Variants in MPDZ observed in about 807,000 individuals in gnomAD.
MPDZ encodes multiple PDZ domain protein.
In MPDZ, 234 loss-of-function variants were observed where a neutral mutation model predicts 239.1. The ratio of observed to expected loss-of-function variants is 0.98; its 90% CI spans 0.88 to 1.09. MPDZ has a LOEUF of 1.09. Ranked by LOEUF, MPDZ falls within the 50% of genes least tolerant of loss-of-function variation. MPDZ has a pLI of 0.00. For synonymous variants in MPDZ, 1,048 were observed against 881.3 expected (o/e 1.19, Z -3.35); for missense variants, 3,175 against 2,510.0 (o/e 1.26, Z -5.66).
At position 13,247,716 on chromosome 9, in the gene MPDZ, G is replaced by C. The variant is rs372321052; in HGVS notation, c.102C>G (p.Ser34Arg). 6.8e-6 allele frequency: 11 copies of C among 1,613,546 alleles called. No individual in the cohort carries two copies. The highest frequency in any genetic ancestry group is 9.3e-6 in the Non-Finnish European group (11 of 1,179,636). ...GGCTCTGCAGGACTGACTTCAGAAG[G>C]CTCAGTTTGTCTTCATTTGCTACAT... ...RGDVANEDKL[S>R]LLKSVLQSPL... is the part of the protein sequence containing the mutation. The change falls in exon 3 of 47, where the codon AGC becomes AGG. Residue 34 changes from serine to arginine, a missense_variant. Transcript: ENST00000319217.
chr9:13,229,852 T>C (rs538561586), intron 3 of MPDZ, among the ~76,000 whole-genome samples: 2 of 152,176 alleles, frequency 1.3e-5, no homozygotes, highest in South Asian at 4.1e-4. Flanking sequence ...GTAGGGTAAA[T>C]AAAGTTGAAG....
intron 11 of MPDZ, among the ~76,000 whole-genome samples, 187 bp downstream of exon 11, chr9:13,205,729 T>C (rs566546337): frequency 6.6e-6 from 1 of 152,292 alleles, no homozygotes; most frequent in South Asian, 2.1e-4. Flanking sequence ...ATAAACACAT[T>C]GCTGGTTCCA....
chr9:13,254,461 C>G (rs145960709), intron 1 of MPDZ, among the ~76,000 whole-genome samples: 1 of 152,058 alleles, frequency 6.6e-6, no homozygotes, highest in Admixed American at 6.5e-5. Flanking sequence ...TAAGAATACA[C>G]AGTATATTGT....
chr9:13,134,792 T>C (rs13284498), intron 31 of MPDZ: 17,818 of 152,240 alleles, frequency 0.12, 1,243 homozygotes, highest in Non-Finnish European at 0.15. Flanking sequence ...GGACTCTTTC[T>C]ACTCATCTTC....
Position 13,121,915 on chromosome 9 carries a change from C to A in MPDZ, c.5055G>T (p.Leu1685Phe), listed in dbSNP as rs1252984373. Reference sequence around the variant, plus strand: ...TTGCTTCATCATGTGTGGCCTTTCTCAAGTCAATTCCATTCACCTGTACAG... The same window carrying A: ...TTGCTTCATCATGTGTGGCCTTTCTAAAGTCAATTCCATTCACCTGTACAG... ...DQILEVNGID[L>F]RKATHDEAIN... is the part of the protein sequence containing the mutation. The change falls in exon 38 of 47, where the codon TTG becomes TTT. Residue 1685 changes from leucine to phenylalanine, a missense_variant. Coordinates refer to ENST00000319217, the MANE Select transcript of MPDZ (RefSeq NM_001378778.1). 1 of 1,613,264 alleles carries A rather than the reference C, an allele frequency of 6.2e-7. No individual in the cohort carries two copies. The highest frequency in any genetic ancestry group is 2.2e-5 in the East Asian group (1 of 44,850).
chr9:13,107,914 G>A (rs1300262899), intron 46 of MPDZ, among the ~76,000 whole-genome samples: 1 of 152,038 alleles, frequency 6.6e-6, no homozygotes, highest in African/African-American at 2.4e-5. Flanking sequence ...TTGTTCCTAG[G>A]CTGAGGAAAA....
At chr9:13,226,180 G>A (rs1414622914) in intron 3 of MPDZ, among the ~76,000 whole-genome samples, 1 of 152,044 alleles carries the variant, frequency 6.6e-6, no homozygotes, top group Non-Finnish European at 1.5e-5. Context: ...CCCTCAAATC[G>A]TGCTGTCTGG....
intron 17 of MPDZ, among the ~76,000 whole-genome samples, chr9:13,188,367 A>T (rs1954423392): frequency 6.6e-6 from 1 of 152,006 alleles, no homozygotes; most frequent in African/African-American, 2.4e-5. Context: ...AAAATACAAA[A>T]ATTAGCCAGG....
At chr9:13,257,046 T>C (rs1445250851) in intron 1 of MPDZ, among the ~76,000 whole-genome samples, 1 of 152,210 alleles carries the variant, frequency 6.6e-6, no homozygotes, top group Non-Finnish European at 1.5e-5. Context: ...GACAACTGTA[T>C]TCAAATCTGG....
intron 12 of MPDZ, among the ~76,000 whole-genome samples, chr9:13,201,774 AAAAGATAAAAATAAAAGATAC>A (rs1288832198): frequency 1.4e-4 from 22 of 152,248 alleles, no homozygotes; most frequent in African/African-American, 4.8e-4. Flanking sequence ...TTTTATTTAT[AAAAGATAAAAATAAAAGATAC>A]AAAGATAAAA....
intron 19 of MPDZ, among the ~76,000 whole-genome samples, chr9:13,178,523 T>C (rs529108022): frequency 6.6e-6 from 1 of 152,296 alleles, no homozygotes; most frequent in East Asian, 1.9e-4. Context: ...TAGAGGCAAA[T>C]AACTCATAAT....
chr9:13,212,806 A>AAAC (rs980003319), intron 10 of MPDZ, among the ~76,000 whole-genome samples: 1 of 150,780 alleles, frequency 6.6e-6, no homozygotes, highest in African/African-American at 2.4e-5. Flanking sequence ...AAAAAAAAAA[A>AAAC]AAAAAAAAGA....
chr9:13,146,732 AT>A (rs1295433607), intron 26 of MPDZ, among the ~76,000 whole-genome samples: 1 of 152,026 alleles, frequency 6.6e-6, no homozygotes, highest in Non-Finnish European at 1.5e-5. Flanking sequence ...AAAATACTTA[AT>A]AACTGCTGCA....
At chr9:13,172,784 A>T (rs1951965296) in intron 21 of MPDZ, among the ~76,000 whole-genome samples, 1 of 152,176 alleles carries the variant, frequency 6.6e-6, no homozygotes, top group South Asian at 2.1e-4. Flanking sequence ...TCTAGATGTG[A>T]TGGAAAGGAA....
intron 23 of MPDZ, among the ~76,000 whole-genome samples, chr9:13,161,175 G>A (rs963626783): frequency 6.6e-6 from 1 of 151,746 alleles, no homozygotes; most frequent in Non-Finnish European, 1.5e-5. Context: ...GTATTCTGTA[G>A]TCATCTGTAA....
At chr9:13,213,064 T>G (rs1957832357) in intron 10 of MPDZ, among the ~76,000 whole-genome samples, 1 of 152,106 alleles carries the variant, frequency 6.6e-6, no homozygotes, top group Admixed American at 6.6e-5. Flanking sequence ...TTAATAATTT[T>G]TATCAATCAT....
intron 3 of MPDZ, among the ~76,000 whole-genome samples, chr9:13,245,598 A>G (rs1296214979): frequency 6.6e-6 from 1 of 152,194 alleles, no homozygotes; most frequent in Non-Finnish European, 1.5e-5. Flanking sequence ...ACATGTGATC[A>G]AGGAGCCCAA....
At chr9:13,127,184 T>C (rs1945246193) in intron 32 of MPDZ, among the ~76,000 whole-genome samples, 1 of 152,230 alleles carries the variant, frequency 6.6e-6, no homozygotes, top group Admixed American at 6.5e-5. Flanking sequence ...CAACAGGGTC[T>C]AGCCCCTTCA....
chr9:13,164,522 G>C (rs1179538486), intron 22 of MPDZ, among the ~76,000 whole-genome samples: 1 of 151,996 alleles, frequency 6.6e-6, no homozygotes, highest in Non-Finnish European at 1.5e-5. Context: ...AAAAGGTCAG[G>C]GAAGAAAGGC....
Sources: gnomAD v4.1 joint callset for allele counts (sites outside exome capture counted in the v4.1 genomes callset) on GRCh38, gnomAD v4.1.1 for gene constraint, MANE v1.5 for transcripts, NCBI Gene and HGNC (gene_info 2026-07-23, HGNC 2026-07-21) for gene names.